Variants in ASTN1 observed in about 807,000 individuals in gnomAD.
ASTN1 encodes the protein astrotactin-1.
In ASTN1, 41 loss-of-function variants were observed where a neutral mutation model predicts 140.7. The ratio of observed to expected loss-of-function variants is 0.29; its 90% CI spans 0.23 to 0.38. ASTN1 has a LOEUF of 0.38. Among genes scored for constraint, ASTN1 ranks in the 10% least tolerant of loss-of-function variants. ASTN1 has a pLI of 1.00. For missense variants in ASTN1, 1,479 were observed against 1,678.8 expected, an observed-to-expected ratio of 0.88 and a Z score of 2.08; for synonymous variants, 640 against 652.2, an observed-to-expected ratio of 0.98 and a Z score of 0.29.
At position 176,957,809 on chromosome 1, in the gene ASTN1, A is replaced by C. The variant is rs199601131; in HGVS notation, c.1756T>G (p.Ser586Ala). 1.9e-6 allele frequency: 3 copies of C among 1,613,936 alleles called. No homozygotes were observed. The highest frequency in any genetic ancestry group is 2.2e-5 in the East Asian group (1 of 44,846). ...VEVREELMTS[S>A]SFDSLEVLLD... Reference sequence around the variant, plus strand: ...AGAACCTCCAGGCTGTCGAAGGAGGATGAAGTCATCAGCTCCTCTCTGTGG... The same window carrying C: ...AGAACCTCCAGGCTGTCGAAGGAGGCTGAAGTCATCAGCTCCTCTCTGTGG... The change falls in exon 11 of 23, where the codon TCC becomes GCC. Residue 586 changes from serine (S) to alanine (A), a missense_variant. By Grantham distance (99) the Ser-to-Ala change is moderately conservative. Transcript: ENST00000361833.
rs75627353 is a variant in ASTN1, at chr1:177,131,353, A to C, written c.283+33041T>G. Among the ~76,000 whole-genome samples, 837 of 152,324 alleles carry C rather than the reference A, an allele frequency of 5.5e-3. 7 individuals are homozygous for C. The highest frequency in any genetic ancestry group is 0.019 in the African/African-American group (803 of 41,576). ...CTGCAGCATTAGGTATAATTGCAAAAAAAAAGTGAAATTTCAGTATTATCC... is the reference window on the plus strand; with the variant it reads ...CTGCAGCATTAGGTATAATTGCAAACAAAAAGTGAAATTTCAGTATTATCC... On this transcript the variant is annotated intron_variant, in intron 1 of 22. Transcript: ENST00000361833.
intron 4 of ASTN1, 63 bp downstream of exon 4, chr1:177,030,743 A>C (rs899738339): frequency 6.3e-7 from 1 of 1,593,394 alleles, no homozygotes; most frequent in African/African-American, 1.3e-5. Context: ...GAAGATATTA[A>C]TGGCCCTGCC....
At chr1:176,973,229 T>C (rs1382971264) in intron 8 of ASTN1, among the ~76,000 whole-genome samples, 1 of 152,210 alleles carries the variant, frequency 6.6e-6, no homozygotes, top group Non-Finnish European at 1.5e-5. Context: ...TTGTTTCTAA[T>C]GCCACAACAA....
chr1:177,036,257 G>C (rs992818584), intron 2 of ASTN1, among the ~76,000 whole-genome samples: 5 of 151,628 alleles, frequency 3.3e-5, no homozygotes, highest in Non-Finnish European at 7.4e-5. Flanking sequence ...TCCATGTTGA[G>C]GCTGGTCTCA....
At chr1:177,062,345 A>G (rs911874964) in intron 1 of ASTN1, among the ~76,000 whole-genome samples, 1 of 151,824 alleles carries the variant, frequency 6.6e-6, no homozygotes, top group South Asian at 2.1e-4. Flanking sequence ...GGCTCAAGCA[A>G]TCCTCCCACC....
chr1:177,090,833 T>G (rs1441191282), intron 1 of ASTN1, among the ~76,000 whole-genome samples: 3 of 152,116 alleles, frequency 2.0e-5, no homozygotes, highest in African/African-American at 7.2e-5. Flanking sequence ...TCCCACATTT[T>G]TTTCTCATCA....
intron 8 of ASTN1, among the ~76,000 whole-genome samples, chr1:176,982,404 G>A (rs908938033): frequency 2.6e-5 from 4 of 152,174 alleles, no homozygotes; most frequent in Non-Finnish European, 5.9e-5. Flanking sequence ...GCAGCCATTC[G>A]CAAACCTCGG....
In ASTN1 at chr1:176,864,290, C is replaced by G; in HGVS notation, c.3879G>C (p.Glu1293Asp). 6.2e-7 allele frequency: 1 copy of G among 1,613,990 alleles called. No individual in the cohort carries two copies. The highest frequency in any genetic ancestry group is 8.5e-7 in the Non-Finnish European group (1 of 1,179,974). ...IPYNDYGDSK[E>D]I ...GCTCCCTGGCCTTATGGTGCTAGAT[C>G]TCTTTGCTGTCCCCATAGTCGTTGT... Residue 1293 changes from glutamate (E) to aspartate (D), a missense_variant, in exon 23 of 23, where the codon GAG (glutamate) becomes GAC (aspartate). Coordinates refer to ENST00000361833, the MANE Select transcript of ASTN1 (RefSeq NM_004319.3).
intron 2 of ASTN1, among the ~76,000 whole-genome samples, chr1:177,038,947 G>C (rs956108840): frequency 6.6e-6 from 1 of 152,102 alleles, no homozygotes; most frequent in Non-Finnish European, 1.5e-5. Context: ...GTAATACTCT[G>C]GTAACACCCC....
chr1:176,898,662 C>T (rs1370890320), intron 16 of ASTN1, among the ~76,000 whole-genome samples: 1 of 152,104 alleles, frequency 6.6e-6, no homozygotes, highest in Non-Finnish European at 1.5e-5. Context: ...GCTTTTAACT[C>T]CTCCTGTGTG....
Position 177,141,234 on chromosome 1 carries a change from C to A in ASTN1, c.283+23160G>T, listed in dbSNP as rs573081418. Among the ~76,000 whole-genome samples the A allele has an allele frequency of 7.3e-3, 1,104 of 151,592 alleles. 11 individuals carry two copies. The highest frequency in any genetic ancestry group is 0.025 in the African/African-American group (1,016 of 41,352). Reference sequence around the variant, plus strand: ...TCCATCTCAAAAACAAACAAACAAACAAAAAAAACAAAGAGCACTTACTTC... The same window carrying A: ...TCCATCTCAAAAACAAACAAACAAAAAAAAAAAACAAAGAGCACTTACTTC... On this transcript the variant is annotated intron_variant, in intron 1 of 22. Transcript: ENST00000361833.
intron 7 of ASTN1, among the ~76,000 whole-genome samples, chr1:177,015,108 T>C (rs1206009355): frequency 6.6e-6 from 1 of 152,188 alleles, no homozygotes; most frequent in Non-Finnish European, 1.5e-5. Context: ...AGAAGAGGAA[T>C]CTAGTATTTA....
At chr1:177,028,341 C>A (rs79717924) in intron 5 of ASTN1, among the ~76,000 whole-genome samples, 4 of 152,258 alleles carry the variant, frequency 2.6e-5, no homozygotes, top group African/African-American at 4.8e-5. Context: ...TCCACATTCT[C>A]GCCTCACAGA....
intron 1 of ASTN1, among the ~76,000 whole-genome samples, chr1:177,125,785 C>T (rs1253781174): frequency 6.6e-6 from 1 of 152,144 alleles, no homozygotes; most frequent in Non-Finnish European, 1.5e-5. Flanking sequence ...CCGATTATGG[C>T]TCCATAAAAT....
Position 176,861,215 on chromosome 1 carries a change from A to G in ASTN1, c.*3069T>C, listed in dbSNP as rs1557916525. Reference sequence around the variant, plus strand: ...CTGCAGTAGTAAAGTGTTTTTCTTCATACTCAGTTTTTTTAATAGAACATT... The same window carrying G: ...CTGCAGTAGTAAAGTGTTTTTCTTCGTACTCAGTTTTTTTAATAGAACATT... On this transcript the variant is annotated 3_prime_UTR_variant, in exon 23 of 23. Coordinates refer to ENST00000361833, the MANE Select transcript of ASTN1 (RefSeq NM_004319.3). 1.0e-6 allele frequency: 1 copy of G among 978,100 alleles called. No individual in the cohort carries two copies. The highest frequency in any genetic ancestry group is 1.1e-4 in the East Asian group (1 of 8,760). The allele number at this position is 978,100 out of a possible 1,614,324, so 60.6% of individuals were successfully genotyped here.
intron 1 of ASTN1, among the ~76,000 whole-genome samples, chr1:177,123,268 A>G (rs957118855): frequency 5.3e-5 from 8 of 152,212 alleles, no homozygotes; most frequent in Admixed American, 4.6e-4. Flanking sequence ...AATGGGAAAT[A>G]TGGAAGGTCA....
intron 8 of ASTN1, among the ~76,000 whole-genome samples, chr1:176,998,591 A>G (rs1490925016): frequency 6.6e-6 from 1 of 152,174 alleles, no homozygotes; most frequent in Non-Finnish European, 1.5e-5. Flanking sequence ...AGATCATTAC[A>G]CAACCTCTCA....
chr1:177,046,176 C>A (rs574787266), intron 2 of ASTN1, among the ~76,000 whole-genome samples: 43 of 152,142 alleles, frequency 2.8e-4, no homozygotes, highest in African/African-American at 1.0e-3. Flanking sequence ...ACCCCATTGG[C>A]ACACTGAAGG....
At chr1:177,143,087 C>T (rs1682549060) in intron 1 of ASTN1, among the ~76,000 whole-genome samples, 1 of 152,148 alleles carries the variant, frequency 6.6e-6, no homozygotes, top group Non-Finnish European at 1.5e-5. Flanking sequence ...AAAGAGCTAC[C>T]TTGCTCCGGA....
Sources: allele counts gnomAD v4.1 joint callset (sites outside exome capture counted in the v4.1 genomes callset), GRCh38; gene constraint gnomAD v4.1.1; transcripts MANE v1.5; gene names NCBI Gene and HGNC (gene_info 2026-07-23, HGNC 2026-07-21).